GADL1: variants seen among roughly 807,000 people sequenced by gnomAD.
GADL1 encodes the protein GAD like acidic amino acid decarboxylase 1.
GADL1 carries 71 observed loss-of-function variants against 69.5 expected under a neutral mutation model. The observed-to-expected ratio is 1.02, with a 90% CI of 0.84 to 1.25. GADL1 has a LOEUF of 1.25. Among genes scored for constraint, GADL1 ranks in the 50% most tolerant of loss-of-function variants. The probability of loss-of-function intolerance (pLI) is 0.00; values close to 1 mark genes in which losing one functional copy is unlikely to be tolerated. For synonymous variants in GADL1, 254 were observed against 214.4 expected (o/e 1.18, Z -1.62); for missense variants, 737 against 631.8 (o/e 1.17, Z -1.79).
At chr3:30,809,523 A>AT (rs912435565) in intron 11 of GADL1, among the ~76,000 whole-genome samples, 3 of 152,254 alleles carry the variant, frequency 2.0e-5, no homozygotes, top group Admixed American at 2.0e-4. Flanking sequence ...GTTCTGAATC[A>AT]TTTTTTGATA....
intron 13 of GADL1, among the ~76,000 whole-genome samples, chr3:30,783,480 A>G (rs934387585): frequency 7.3e-5 from 11 of 151,570 alleles, no homozygotes; most frequent in African/African-American, 2.2e-4. Flanking sequence ...GTTCACTTAC[A>G]ATTTCCAATG....
intron 14 of GADL1, among the ~76,000 whole-genome samples, chr3:30,740,089 G>A (rs1695594566): frequency 6.6e-6 from 1 of 152,154 alleles, no homozygotes; most frequent in East Asian, 1.9e-4. Flanking sequence ...ACAGGCTACA[G>A]AGGGATAGAG....
chr3:30,886,894 C>A (rs1277137976), intron 1 of GADL1, among the ~76,000 whole-genome samples: 1 of 151,116 alleles, frequency 6.6e-6, no homozygotes, highest in Non-Finnish European at 1.5e-5. Context: ...TCTGCTACTT[C>A]TTTCTACTTA....
At chr3:30,849,536 CTGTGTGTG>C (rs71914328) in intron 6 of GADL1, among the ~76,000 whole-genome samples, 1 of 148,826 alleles carries the variant, frequency 6.7e-6, no homozygotes, top group Non-Finnish European at 1.5e-5. Context: ...GTGGCAATAT[CTGTGTGTG>C]TGTGTGTGTG....
chr3:30,740,275 A>G (rs1326315367), intron 14 of GADL1, among the ~76,000 whole-genome samples: 7 of 152,126 alleles, frequency 4.6e-5, no homozygotes, highest in African/African-American at 1.7e-4. Flanking sequence ...TATTTTTGTT[A>G]TTATTCAAGA....
intron 12 of GADL1, among the ~76,000 whole-genome samples, chr3:30,790,581 T>G (rs544078709): frequency 1.1e-4 from 16 of 152,194 alleles, no homozygotes; most frequent in African/African-American, 3.9e-4. Flanking sequence ...ATACCAGAAA[T>G]AAATTTTAGA....
At position 30,776,096 on chromosome 3, in the gene GADL1, T is replaced by A. The variant is rs558031781; in HGVS notation, c.1392+2083A>T. On this transcript the variant is annotated intron_variant, in intron 14 of 14. Transcript: ENST00000282538. ...AAGACTCCGTCTTGGAAAAAAAAAA[T>A]GCATTATATTCTGTATTTGAGATTA... 1.9e-3 allele frequency among the ~76,000 whole-genome samples: 286 copies of A among 151,832 alleles called. No individual in the cohort carries two copies. In the South Asian group the frequency reaches 0.02, roughly 11 times the overall value.
intron 2 of GADL1, 121 bp downstream of exon 2, chr3:30,861,472 A>G (rs887048361): frequency 1.9e-5 from 13 of 683,958 alleles, no homozygotes; most frequent in Non-Finnish European, 3.2e-5. Context: ...CATCCTTTTG[A>G]GACAAAGGCA....
intron 11 of GADL1, among the ~76,000 whole-genome samples, chr3:30,832,883 A>G (rs575664959): frequency 1.3e-5 from 2 of 151,118 alleles, no homozygotes; most frequent in South Asian, 2.1e-4. Context: ...GTCTATTTCT[A>G]TAGAAGCAAA....
At chr3:30,861,040 A>T (rs1698312708) in intron 2 of GADL1, among the ~76,000 whole-genome samples, 1 of 152,002 alleles carries the variant, frequency 6.6e-6, no homozygotes, top group Non-Finnish European at 1.5e-5. Context: ...TTTGAATTGA[A>T]TTTGAGCCTG....
chr3:30,834,030 C>T, intron 10 of GADL1, 96 bp from the exon 11 acceptor site: 1 of 955,246 alleles, frequency 1.0e-6, no homozygotes, highest in South Asian at 1.4e-5. Context: ...ATTCAGTACT[C>T]ATACATAGTT....
At chr3:30,872,440 T>C (rs1353574385) in intron 1 of GADL1, among the ~76,000 whole-genome samples, 1 of 151,982 alleles carries the variant, frequency 6.6e-6, no homozygotes, top group Non-Finnish European at 1.5e-5. Flanking sequence ...TTTTCTTGTC[T>C]ATATACATTT....
At chr3:30,809,445 T>C (rs1051987273) in intron 11 of GADL1, among the ~76,000 whole-genome samples, 1 of 152,208 alleles carries the variant, frequency 6.6e-6, no homozygotes, top group Admixed American at 6.5e-5. Context: ...GGCAGACACA[T>C]TGTGCTCCAT....
chr3:30,892,918 C>T (rs746856721), intron 1 of GADL1, among the ~76,000 whole-genome samples: 6 of 152,136 alleles, frequency 3.9e-5, no homozygotes, highest in African/African-American at 1.4e-4. Flanking sequence ...TACAGTGGCG[C>T]GAATCTTGGC....
At chr3:30,791,243 A>T (rs146947747) in intron 12 of GADL1, among the ~76,000 whole-genome samples, 1 of 152,296 alleles carries the variant, frequency 6.6e-6, no homozygotes, top group Non-Finnish European at 1.5e-5. Context: ...TTTGTGAACC[A>T]TCCTTTTTCT....
intron 12 of GADL1, among the ~76,000 whole-genome samples, chr3:30,793,065 C>T (rs900620980): frequency 2.0e-5 from 3 of 152,106 alleles, no homozygotes; most frequent in Non-Finnish European, 4.4e-5. Flanking sequence ...CTAATGAGTA[C>T]TTCGAATCTC....
At chr3:30,861,538 TG>T in intron 2 of GADL1, 54 bp downstream of exon 2, 1 of 1,321,542 alleles carries the variant, frequency 7.6e-7, no homozygotes, top group Non-Finnish European at 1.0e-6. Context: ...CATACTGATT[TG>T]GGGAACATCT....
intron 11 of GADL1, among the ~76,000 whole-genome samples, chr3:30,805,259 G>C (rs1697229745): frequency 6.6e-6 from 1 of 152,154 alleles, no homozygotes; most frequent in South Asian, 2.1e-4. Context: ...CTACATGATA[G>C]GGCTAGGTTT....
intron 9 of GADL1, among the ~76,000 whole-genome samples, chr3:30,835,159 C>A (rs140457913): frequency 6.6e-6 from 1 of 151,972 alleles, no homozygotes; most frequent in Non-Finnish European, 1.5e-5. Context: ...TCCAAGGTCT[C>A]GCCAATGACA....
Sources: allele counts gnomAD v4.1 joint callset (sites outside exome capture counted in the v4.1 genomes callset), GRCh38; gene constraint gnomAD v4.1.1; transcripts MANE v1.5; gene names NCBI Gene and HGNC (gene_info 2026-07-23, HGNC 2026-07-21).